Variants in TACR3 observed in about 807,000 individuals in gnomAD.
TACR3 encodes the protein neuromedin-K receptor.
Under a neutral mutation model 35.0 loss-of-function variants are expected in TACR3, and 34 were observed. The ratio of observed to expected loss-of-function variants is 0.97; its 90% CI spans 0.74 to 1.30. TACR3 has a LOEUF of 1.30. TACR3 is among the 50% of genes most tolerant of loss of function. The probability of loss-of-function intolerance (pLI) is 0.00; values close to 1 mark genes in which losing one functional copy is unlikely to be tolerated. For missense variants in TACR3, 558 were observed against 591.7 expected (o/e 0.94, Z 0.59); for synonymous variants, 233 against 221.1 (o/e 1.05, Z -0.48).
intron 3 of TACR3, among the ~76,000 whole-genome samples, chr4:103,640,684 C>T (rs536175693): frequency 1.1e-4 from 16 of 152,000 alleles, no homozygotes; most frequent in Admixed American, 1.1e-3. Context: ...CCCAGGATGG[C>T]TTTGAATGTG....
chr4:103,600,826 A>T (rs1724180525), intron 3 of TACR3, among the ~76,000 whole-genome samples: 1 of 152,120 alleles, frequency 6.6e-6, no homozygotes, highest in African/African-American at 2.4e-5. Context: ...TCTGAGAGAC[A>T]GTTTGTTATA....
intron 1 of TACR3, among the ~76,000 whole-genome samples, chr4:103,703,653 G>C (rs764702984): frequency 2.0e-5 from 3 of 152,152 alleles, no homozygotes; most frequent in Non-Finnish European, 4.4e-5. Context: ...ATACCAATGA[G>C]GAAACCTCAA....
At chr4:103,671,543 C>A (rs960350083) in intron 1 of TACR3, among the ~76,000 whole-genome samples, 5 of 151,764 alleles carry the variant, frequency 3.3e-5, no homozygotes, top group Non-Finnish European at 7.4e-5. Flanking sequence ...AGAATTTATC[C>A]TTTTCTTCTA....
At chr4:103,697,517 C>T (rs1030265679) in intron 1 of TACR3, among the ~76,000 whole-genome samples, 17 of 152,006 alleles carry the variant, frequency 1.1e-4, no homozygotes, top group South Asian at 2.1e-4. Context: ...CTTCGCCTCC[C>T]GGGTTCACTC....
intron 1 of TACR3, among the ~76,000 whole-genome samples, chr4:103,694,273 A>G (rs866715303): frequency 1.1e-4 from 16 of 147,354 alleles, no homozygotes; most frequent in Middle Eastern, 3.4e-3. Flanking sequence ...ACACTTATCT[A>G]TGTGCTTACT....
At chr4:103,715,220 A>G (rs1464870846) in intron 1 of TACR3, among the ~76,000 whole-genome samples, 2 of 152,118 alleles carry the variant, frequency 1.3e-5, no homozygotes, top group African/African-American at 2.4e-5. Context: ...GTAATCCCCA[A>G]TGTTGGAAGT....
chr4:103,658,382 G>A lies in TACR3; in HGVS notation c.570C>T (p.Pro190=). 3.7e-6 allele frequency: 6 copies of A among 1,613,624 alleles called. No individual in the cohort carries two copies. Among genetic ancestry groups the A allele is most frequent in the Non-Finnish European group, 4.2e-6 (5 of 1,179,828 alleles). The change falls in exon 2 of 5, where the codon CCC becomes CCT. Residue 190 remains proline (P), a synonymous_variant. Transcript: ENST00000304883. ...CTGTAGCAGACAGTCTGGGTTTCAA[G>A]GGATCAATAATAGCCATATACCTAT... ...AVDRYMAIID[P]LKPRLSATAT...
chr4:103,620,894 T>A (rs1346709530), intron 3 of TACR3, among the ~76,000 whole-genome samples: 2 of 88,562 alleles, frequency 2.3e-5, no homozygotes, highest in South Asian at 6.0e-4. Flanking sequence ...AGTTAAATTT[T>A]AAAAAATAAA....
intron 1 of TACR3, among the ~76,000 whole-genome samples, chr4:103,700,804 T>C (rs1301919661): frequency 6.6e-6 from 1 of 152,188 alleles, no homozygotes; most frequent in Non-Finnish European, 1.5e-5. Flanking sequence ...AAAAAGCATA[T>C]GATTATCTCA....
chr4:103,634,118 CA>C (rs1468560711), intron 3 of TACR3, among the ~76,000 whole-genome samples: 1 of 152,038 alleles, frequency 6.6e-6, no homozygotes, highest in East Asian at 1.9e-4. Context: ...TTTGAGAGCA[CA>C]AAAACCACTG....
At chr4:103,633,762 C>A (rs566238009) in intron 3 of TACR3, among the ~76,000 whole-genome samples, 2 of 152,048 alleles carry the variant, frequency 1.3e-5, no homozygotes, top group African/African-American at 4.8e-5. Flanking sequence ...TCAGTTGAAT[C>A]GTTTAAAAAA....
At chr4:103,613,174 G>A (rs1724550539) in intron 3 of TACR3, among the ~76,000 whole-genome samples, 1 of 152,162 alleles carries the variant, frequency 6.6e-6, no homozygotes, top group African/African-American at 2.4e-5. Flanking sequence ...TAGGCAAAGT[G>A]CTTACTTTTT....
chr4:103,645,846 G>A (rs1725446155), intron 3 of TACR3, among the ~76,000 whole-genome samples: 1 of 151,796 alleles, frequency 6.6e-6, no homozygotes, highest in Non-Finnish European at 1.5e-5. Flanking sequence ...ACAATTTTCA[G>A]CAAACGGAGC....
intron 3 of TACR3, among the ~76,000 whole-genome samples, chr4:103,608,716 G>T (rs376943729): frequency 6.6e-6 from 1 of 152,118 alleles, no homozygotes; most frequent in Non-Finnish European, 1.5e-5. Context: ...GAAGGCTTAT[G>T]CTTTCTAACA....
At chr4:103,625,330 C>T (rs1192374277) in intron 3 of TACR3, among the ~76,000 whole-genome samples, 1 of 151,828 alleles carries the variant, frequency 6.6e-6, no homozygotes, top group East Asian at 1.9e-4. Context: ...GTGCTAGGCA[C>T]ATTAAAAACT....
At chr4:103,608,486 C>T (rs965486119) in intron 3 of TACR3, among the ~76,000 whole-genome samples, 1 of 151,884 alleles carries the variant, frequency 6.6e-6, no homozygotes, top group Non-Finnish European at 1.5e-5. Context: ...GAATCCAGAC[C>T]CCAAATCTCA....
At chr4:103,686,271 A>T (rs1722236189) in intron 1 of TACR3, among the ~76,000 whole-genome samples, 1 of 152,180 alleles carries the variant, frequency 6.6e-6, no homozygotes, top group Non-Finnish European at 1.5e-5. Flanking sequence ...TGAATTTTAT[A>T]AGCATTCCCA....
At chr4:103,622,803 C>T (rs1368979306) in intron 3 of TACR3, among the ~76,000 whole-genome samples, 3 of 152,132 alleles carry the variant, frequency 2.0e-5, no homozygotes, top group African/African-American at 4.8e-5. Context: ...CAGAGAAGAA[C>T]TGCATTGCTG....
At chr4:103,690,779 G>A (rs1209601011) in intron 1 of TACR3, among the ~76,000 whole-genome samples, 1 of 152,034 alleles carries the variant, frequency 6.6e-6, no homozygotes, top group Non-Finnish European at 1.5e-5. Context: ...ATTCTGAAGA[G>A]AAACTACAAA....
Sources: allele counts gnomAD v4.1 joint callset (sites outside exome capture counted in the v4.1 genomes callset), GRCh38; gene constraint gnomAD v4.1.1; transcripts MANE v1.5; gene names NCBI Gene and HGNC (gene_info 2026-07-23, HGNC 2026-07-21).